The following PTPRM variants were observed in gnomAD, a reference collection of about 807,000 sequenced individuals.
PTPRM encodes protein tyrosine phosphatase receptor type M.
PTPRM carries 47 observed loss-of-function variants against 186.7 expected under a neutral mutation model. The ratio of observed to expected loss-of-function variants is 0.25; its 90% CI spans 0.20 to 0.32. The LOEUF (loss-of-function observed/expected upper bound fraction) is 0.32, where lower values mean the gene tolerates loss of function less well. PTPRM is among the 10% of genes least tolerant of loss of function. The probability of loss-of-function intolerance (pLI) is 1.00; values close to 1 mark genes in which losing one functional copy is unlikely to be tolerated. For missense variants in PTPRM, 1,494 were observed against 1,865.0 expected (o/e 0.80, Z 3.66); for synonymous variants, 668 against 674.9 (o/e 0.99, Z 0.16).
chr18:8,113,653 C>T lies in PTPRM; in HGVS notation c.2024C>T (p.Pro675Leu), dbSNP rs771687411. 6.2e-7 allele frequency: 1 copy of T among 1,613,992 alleles called. No individual in the cohort carries two copies. The highest frequency in any genetic ancestry group is 1.1e-5 in the South Asian group (1 of 91,076). ...GCAGACAGCCTCCAAGCTGCGCAGC[C>T]TTTTACAATTGGTGATAATAAGACA... ...FPADSLQAAQ[P>L]FTIGDNKTYN... Residue 675 changes from proline (P) to leucine (L), a missense_variant, in exon 12 of 33, where the codon CCT (proline) becomes CTT (leucine). Physicochemically the swap from Pro to Leu is moderately conservative, Grantham distance 98. Around this residue, in one of 3 missense-constraint regions of PTPRM, gnomAD observed 1,107 missense variants for 1,350.2 expected, o/e 0.82. Transcript: ENST00000580170.
intron 24 of PTPRM, among the ~76,000 whole-genome samples, chr18:8,372,641 G>GA (rs1193063352): frequency 6.6e-6 from 1 of 151,652 alleles, no homozygotes; most frequent in African/African-American, 2.4e-5. Flanking sequence ...TTCAAAGAAT[G>GA]AGGAGTTCTG....
chr18:7,928,124 T>G (rs2051281323), intron 5 of PTPRM, among the ~76,000 whole-genome samples: 1 of 152,134 alleles, frequency 6.6e-6, no homozygotes, highest in Non-Finnish European at 1.5e-5. Context: ...CAATGCATTG[T>G]CAGATGGGAA....
intron 5 of PTPRM, among the ~76,000 whole-genome samples, chr18:7,933,841 G>A (rs899208829): frequency 1.3e-5 from 2 of 152,202 alleles, no homozygotes; most frequent in Non-Finnish European, 2.9e-5. Context: ...TGGTGCCTCT[G>A]CTGCTTCAGG....
At chr18:8,207,618 A>T (rs2093948972) in intron 14 of PTPRM, among the ~76,000 whole-genome samples, 3 of 152,204 alleles carry the variant, frequency 2.0e-5, no homozygotes, top group Admixed American at 6.5e-5. Flanking sequence ...AAAAGACTGG[A>T]TAGGAATACT....
intron 1 of PTPRM, among the ~76,000 whole-genome samples, chr18:7,631,785 C>G (rs1252725322): frequency 1.3e-5 from 2 of 152,112 alleles, no homozygotes; most frequent in Admixed American, 6.6e-5. Context: ...GACTATTTCC[C>G]AGATAGACGG....
chr18:7,867,829 C>T (rs2047788714), intron 2 of PTPRM, among the ~76,000 whole-genome samples: 1 of 152,172 alleles, frequency 6.6e-6, no homozygotes, highest in South Asian at 2.1e-4. Context: ...CTTTCAGGTA[C>T]ACCAATCAAG....
chr18:7,578,962 T>G (rs576564), intron 1 of PTPRM, among the ~76,000 whole-genome samples: 10,521 of 152,194 alleles, frequency 0.069, 531 homozygotes, highest in South Asian at 0.2. Context: ...TGAAAAAGTG[T>G]TGAATATTGG....
At chr18:7,783,921 T>C (rs2042979254) in intron 2 of PTPRM, among the ~76,000 whole-genome samples, 1 of 151,970 alleles carries the variant, frequency 6.6e-6, no homozygotes, top group East Asian at 1.9e-4. Context: ...GGCCTCTCTT[T>C]ACTGGGGTGG....
At chr18:7,844,080 T>C (rs1056866626) in intron 2 of PTPRM, among the ~76,000 whole-genome samples, 2 of 152,180 alleles carry the variant, frequency 1.3e-5, no homozygotes, top group African/African-American at 2.4e-5. Context: ...TTGGATATCA[T>C]GCAGCAGCAC....
chr18:7,945,667 T>C (rs2052475446), intron 5 of PTPRM, among the ~76,000 whole-genome samples: 2 of 152,352 alleles, frequency 1.3e-5, no homozygotes, highest in African/African-American at 4.8e-5. Flanking sequence ...TGGGAGGCAG[T>C]TCATTGCTCT....
At chr18:7,664,674 C>T (rs1005274878) in intron 1 of PTPRM, among the ~76,000 whole-genome samples, 2 of 152,164 alleles carry the variant, frequency 1.3e-5, no homozygotes, top group Admixed American at 6.5e-5. Context: ...CCAGGCAGAG[C>T]TGCATTGCAT....
chr18:7,984,859 A>G (rs1171384107), intron 7 of PTPRM, among the ~76,000 whole-genome samples: 7 of 133,998 alleles, frequency 5.2e-5, no homozygotes, highest in African/African-American at 2.0e-4. Flanking sequence ...TTATATACAC[A>G]TATATAAATA....
chr18:7,806,951 C>T (rs1433229862), intron 2 of PTPRM, among the ~76,000 whole-genome samples: 1 of 152,158 alleles, frequency 6.6e-6, no homozygotes, highest in Non-Finnish European at 1.5e-5. Context: ...TGTTCTGTGC[C>T]AGAGGTTTGT....
chr18:8,203,000 G>A (rs368042945), intron 14 of PTPRM, among the ~76,000 whole-genome samples: 70 of 152,192 alleles, frequency 4.6e-4, no homozygotes, highest in African/African-American at 1.6e-3. Context: ...TCATCACCCC[G>A]AAAAATGAGT....
At position 7,740,573 on chromosome 18, in the gene PTPRM, C is replaced by T. The variant is rs554131562; in HGVS notation, c.74-33576C>T. Among the ~76,000 whole-genome samples the T allele has an allele frequency of 2.2e-4, 33 of 152,220 alleles. No homozygotes were observed. The East Asian group carries it at 2.5e-3, about 12-fold the overall frequency. ...AGCTGGGACTCCAAGCATGTGCCGC[C>T]GCTCCTGGCTAATTTTTAAAAATTT... On this transcript the variant is annotated intron_variant, in intron 1 of 32. Coordinates refer to ENST00000580170, the MANE Select transcript of PTPRM (RefSeq NM_001105244.2).
intron 7 of PTPRM, among the ~76,000 whole-genome samples, chr18:7,985,156 CAT>C (rs1473925705): frequency 8.3e-5 from 10 of 120,060 alleles, no homozygotes; most frequent in Non-Finnish European, 1.5e-4. Flanking sequence ...TGTATATACA[CAT>C]ATAAATATAT....
At chr18:7,653,154 A>T (rs968768416) in intron 1 of PTPRM, among the ~76,000 whole-genome samples, 2 of 148,746 alleles carry the variant, frequency 1.3e-5, no homozygotes, top group Non-Finnish European at 3.0e-5. Context: ...TATTATTATC[A>T]TTATTGTTTT....
chr18:8,265,367 C>G (rs531812001), intron 19 of PTPRM, among the ~76,000 whole-genome samples: 1 of 152,340 alleles, frequency 6.6e-6, no homozygotes, highest in South Asian at 2.1e-4. Context: ...TAGGCTAAAA[C>G]CAAGCTACAG....
At chr18:7,857,023 C>A (rs901647069) in intron 2 of PTPRM, among the ~76,000 whole-genome samples, 4 of 152,200 alleles carry the variant, frequency 2.6e-5, no homozygotes, top group African/African-American at 4.8e-5. Context: ...CTTTCCTGCT[C>A]CCTCTCCTTT....
Sources: allele counts gnomAD v4.1 joint callset (sites outside exome capture counted in the v4.1 genomes callset), GRCh38; gene constraint gnomAD v4.1.1; regional missense constraint gnomAD v4.1.1; transcripts MANE v1.5; gene names NCBI Gene and HGNC (gene_info 2026-07-23, HGNC 2026-07-21).